Variants in KLF12 observed in about 807,000 individuals in gnomAD.
KLF12 encodes Krueppel-like factor 12.
In KLF12, 9 loss-of-function variants were observed where a neutral mutation model predicts 37.8. The ratio of observed to expected loss-of-function variants is 0.24; its 90% CI spans 0.14 to 0.42. The LOEUF (loss-of-function observed/expected upper bound fraction) is 0.42. Among genes scored for constraint, KLF12 ranks in the 10% least tolerant of loss-of-function variants. The pLI is 1.00. For synonymous variants in KLF12, 208 were observed against 202.1 expected (o/e 1.03, Z -0.25); for missense variants, 411 against 516.0 (o/e 0.80, Z 1.97).
At chr13:74,139,258 T>C in the KLF12 span, among the ~76,000 whole-genome samples, 1 of 152,242 alleles carries the variant, frequency 6.6e-6, no homozygotes, top group Non-Finnish European at 1.5e-5. Flanking sequence ...CATGAAGTAT[T>C]GTTGGCTCAC....
chr13:74,290,180 G>A, the KLF12 span, among the ~76,000 whole-genome samples: 43 of 152,302 alleles, frequency 2.8e-4, no homozygotes, highest in Non-Finnish European at 5.4e-4. Context: ...ATGGCCAATT[G>A]GAGGGATTCC....
At chr13:73,845,721 G>T (rs1884974716) in intron 4 of KLF12, 106 bp downstream of exon 4, 1 of 1,019,042 alleles carries the variant, frequency 9.8e-7, no homozygotes, top group Non-Finnish European at 1.5e-6. Context: ...GCTCTACACA[G>T]AACTTCTTTA....
In KLF12 at chr13:73,735,332, T is replaced by A. The variant is rs977377930; in HGVS notation, c.870-19807A>T. Among the ~76,000 whole-genome samples the A allele has an allele frequency of 4.6e-5, 7 of 152,080 alleles. No individual in the cohort carries two copies. In the South Asian group the frequency reaches 1.2e-3, roughly 27 times the overall value. ...GGAACATGCTGTTTAGTTAGTAGTA[T>A]GACAAAGCATTTATCTACATGTAAT... On this transcript the variant is annotated intron_variant, in intron 6 of 7. Transcript: ENST00000377669.
At chr13:74,068,748 G>C (rs568964967) in intron 1 of KLF12, among the ~76,000 whole-genome samples, 11 of 152,024 alleles carry the variant, frequency 7.2e-5, no homozygotes, top group Non-Finnish European at 1.5e-4. Flanking sequence ...GTAGAGACTG[G>C]GTTTCACCAT....
the KLF12 span, among the ~76,000 whole-genome samples, chr13:74,183,555 C>A: frequency 1.3e-5 from 2 of 151,810 alleles, no homozygotes; most frequent in African/African-American, 4.8e-5. Context: ...ATCATGACTA[C>A]CAAATTATAC....
intron 3 of KLF12, among the ~76,000 whole-genome samples, chr13:73,878,486 C>T (rs1206758867): frequency 6.6e-6 from 1 of 152,150 alleles, no homozygotes; most frequent in Non-Finnish European, 1.5e-5. Context: ...CTTTCTATTA[C>T]TTATTTTAAA....
At chr13:74,097,822 T>G (rs1382706424) in intron 1 of KLF12, among the ~76,000 whole-genome samples, 3 of 151,692 alleles carry the variant, frequency 2.0e-5, no homozygotes, top group African/African-American at 4.9e-5. Flanking sequence ...TCCCCACACT[T>G]CAGACCCCAA....
chr13:74,089,546 C>T (rs778893894), intron 1 of KLF12, among the ~76,000 whole-genome samples: 3 of 151,690 alleles, frequency 2.0e-5, no homozygotes, highest in Non-Finnish European at 4.4e-5. Flanking sequence ...ATGCAGAAAT[C>T]CTCAAAATAG....
At chr13:74,153,129 C>CTTT in the KLF12 span, among the ~76,000 whole-genome samples, 44,257 of 151,342 alleles carry the variant, frequency 0.29, 7,020 homozygotes, top group Non-Finnish European at 0.36. Context: ...AGACAAAATG[C>CTTT]TTTTTTTCTC....
chr13:73,936,955 G>A (rs1889961403), intron 3 of KLF12, among the ~76,000 whole-genome samples: 1 of 152,124 alleles, frequency 6.6e-6, no homozygotes, highest in Non-Finnish European at 1.5e-5. Flanking sequence ...CCTTTGGGAG[G>A]CAAAGGCAGG....
At chr13:73,962,195 A>G (rs1158925557) in intron 2 of KLF12, among the ~76,000 whole-genome samples, 2 of 152,212 alleles carry the variant, frequency 1.3e-5, no homozygotes, top group Non-Finnish European at 2.9e-5. Context: ...TTACATGCAT[A>G]TTACTGAGTG....
intron 1 of KLF12, among the ~76,000 whole-genome samples, chr13:74,117,448 C>T (rs566644208): frequency 1.5e-4 from 23 of 149,834 alleles, no homozygotes; most frequent in Non-Finnish European, 2.6e-4. Flanking sequence ...AAGATATATA[C>T]GCATGTACCC....
chr13:73,880,363 A>G (rs1300604021), intron 3 of KLF12, among the ~76,000 whole-genome samples: 1 of 152,234 alleles, frequency 6.6e-6, no homozygotes, highest in African/African-American at 2.4e-5. Context: ...ATGAGTTAGA[A>G]GGGAGTTCAA....
At chr13:73,795,545 A>G (rs1881913504) in intron 5 of KLF12, among the ~76,000 whole-genome samples, 1 of 152,220 alleles carries the variant, frequency 6.6e-6, no homozygotes, top group African/African-American at 2.4e-5. Flanking sequence ...TGGAAGTTAC[A>G]TGGTAGGAAT....
At chr13:73,934,703 T>C (rs1358306265) in intron 3 of KLF12, among the ~76,000 whole-genome samples, 1 of 152,088 alleles carries the variant, frequency 6.6e-6, no homozygotes, top group East Asian at 1.9e-4. Flanking sequence ...TTTAGTGCCA[T>C]TTATTCTGCT....
intron 5 of KLF12, among the ~76,000 whole-genome samples, chr13:73,796,914 A>G (rs561262806): frequency 6.6e-6 from 1 of 152,308 alleles, no homozygotes; most frequent in South Asian, 2.1e-4. Context: ...ACATTATGCA[A>G]TGAAAGAAGG....
the KLF12 span, among the ~76,000 whole-genome samples, chr13:74,145,529 G>A: frequency 1.3e-5 from 2 of 152,228 alleles, no homozygotes; most frequent in South Asian, 2.1e-4. Flanking sequence ...CACACCATGC[G>A]TAACTCTATC....
At chr13:73,872,033 G>T (rs1373047815) in intron 3 of KLF12, among the ~76,000 whole-genome samples, 1 of 152,160 alleles carries the variant, frequency 6.6e-6, no homozygotes, top group Non-Finnish European at 1.5e-5. Flanking sequence ...ATCAAAGCGG[G>T]ATTTCCTAGA....
the KLF12 span, among the ~76,000 whole-genome samples, chr13:74,167,134 G>T: frequency 6.6e-6 from 1 of 152,182 alleles, no homozygotes; most frequent in Non-Finnish European, 1.5e-5. Context: ...CTTTGACTCT[G>T]TATCTTGTTT....
Sources: allele counts gnomAD v4.1 joint callset (sites outside exome capture counted in the v4.1 genomes callset), GRCh38; gene constraint gnomAD v4.1.1; transcripts MANE v1.5; gene names NCBI Gene and HGNC (gene_info 2026-07-23, HGNC 2026-07-21).